DHRSX: variants seen among roughly 807,000 people sequenced by gnomAD.
DHRSX encodes the protein dehydrogenase/reductase X-linked.
In DHRSX, 31 loss-of-function variants were observed where a neutral mutation model predicts 34.0. The observed-to-expected ratio is 0.91, with a 90% CI of 0.69 to 1.23. The LOEUF (loss-of-function observed/expected upper bound fraction) is 1.23, where lower values mean the gene tolerates loss of function less well. Ranked by LOEUF, DHRSX falls within the 50% of genes most tolerant of loss-of-function variation. The pLI, the probability that DHRSX is intolerant of heterozygous loss-of-function variation, is 0.00. For missense variants in DHRSX, 414 were observed against 428.1 expected (o/e 0.97, Z 0.29); for synonymous variants, 201 against 183.8 (o/e 1.09, Z -0.76).
chrX:2,264,881 C>T lies in DHRSX; in HGVS notation c.596+1859G>A, dbSNP rs187661007. ...CCAGCAGATGCAGGGAGCACTATGC[C>T]GGGCACCAATGTGCAGCAAATGCGG... On this transcript the variant is annotated intron_variant, in intron 5 of 6. Coordinates refer to ENST00000334651, the MANE Select transcript of DHRSX (RefSeq NM_145177.3). Among the ~76,000 whole-genome samples the T allele has an allele frequency of 4.5e-3, 516 of 115,144 alleles. 4 individuals carry two copies. The highest frequency in any genetic ancestry group is 0.013 in the African/African-American group (490 of 37,962). The allele number at this position is 115,144 out of a possible 152,430, so 75.5% of individuals were successfully genotyped here.
chrX:2,258,041 A>C (rs1194440260), intron 5 of DHRSX, among the ~76,000 whole-genome samples: 1 of 152,186 alleles, frequency 6.6e-6, no homozygotes. Flanking sequence ...AGACACACAC[A>C]GAGGGACAAC....
chrX:2,479,798 TGCAGCAA>T (rs1203283243), intron 1 of DHRSX, among the ~76,000 whole-genome samples: 1 of 151,392 alleles, frequency 6.6e-6, no homozygotes, highest in Non-Finnish European at 1.5e-5. Flanking sequence ...TCCCTAAGCA[TGCAGCAA>T]AGGGACTGCC....
chrX:2,418,147 A>G (rs2043719419), intron 2 of DHRSX, among the ~76,000 whole-genome samples: 1 of 152,064 alleles, frequency 6.6e-6, no homozygotes, highest in African/African-American at 2.4e-5. Context: ...AGTCTAATCC[A>G]ACTAGATCTC....
intron 3 of DHRSX, among the ~76,000 whole-genome samples, chrX:2,353,790 G>C (rs1171142356): frequency 6.6e-6 from 1 of 151,870 alleles, no homozygotes; most frequent in Non-Finnish European, 1.5e-5. Context: ...TCTCCACGTT[G>C]GTCAGGCTGG....
intron 4 of DHRSX, among the ~76,000 whole-genome samples, chrX:2,276,462 C>G (rs2041651054): frequency 1.3e-5 from 2 of 152,098 alleles, no homozygotes; most frequent in Admixed American, 1.3e-4. Context: ...CATCGATCTG[C>G]CAATTCAAAG....
intron 3 of DHRSX, chrX:2,392,451 G>A (rs1471368369): frequency 1.3e-5 from 4 of 309,352 alleles, no homozygotes; most frequent in South Asian, 2.9e-5. Flanking sequence ...AGCCAGCCCG[G>A]GCAACACAGC....
chrX:2,494,027 T>C (rs2045224504), intron 1 of DHRSX, among the ~76,000 whole-genome samples: 2 of 152,110 alleles, frequency 1.3e-5, no homozygotes, highest in African/African-American at 4.8e-5. Flanking sequence ...CTATTGTTTT[T>C]AGGCTGGAAG....
chrX:2,299,685 T>A (rs937568233), intron 3 of DHRSX, among the ~76,000 whole-genome samples: 2 of 151,812 alleles, frequency 1.3e-5, no homozygotes, highest in African/African-American at 4.8e-5. Flanking sequence ...TGAAATCCGG[T>A]CTCTACTAAA....
rs776049098 is a variant in DHRSX at position 2,457,760 on chromosome X, A to T, written c.110-32456T>A. On this transcript the variant is annotated intron_variant, in intron 1 of 6. Coordinates refer to ENST00000334651, the MANE Select transcript of DHRSX (RefSeq NM_145177.3). ...AGGGACTGCCACCATGTACACACTGAAGACGTTCCCTAAGCATGTGGCCCA... is the reference window on the plus strand; with the variant it reads ...AGGGACTGCCACCATGTACACACTGTAGACGTTCCCTAAGCATGTGGCCCA... 9.9e-5 allele frequency among the ~76,000 whole-genome samples: 15 copies of T among 151,434 alleles called. No homozygotes were observed. In the South Asian group the frequency reaches 1.3e-3, roughly 13 times the overall value.
Position 2,435,296 on chromosome X carries a change from A to G in DHRSX, c.110-9992T>C, listed in dbSNP as rs192568481. ...AAACCCACACGGATACGAGTAAAACATAAGATCAATGCATTATTGCCTGAA... is the reference window on the plus strand; with the variant it reads ...AAACCCACACGGATACGAGTAAAACGTAAGATCAATGCATTATTGCCTGAA... On this transcript the variant is annotated intron_variant, in intron 1 of 6. Transcript: ENST00000334651. 3.5e-4 allele frequency among the ~76,000 whole-genome samples: 54 copies of G among 152,302 alleles called. No homozygotes were observed. In the East Asian group the frequency reaches 0.01, roughly 29 times the overall value.
intron 1 of DHRSX, among the ~76,000 whole-genome samples, chrX:2,431,586 T>C (rs1260682064): frequency 6.6e-6 from 1 of 152,124 alleles, no homozygotes; most frequent in Non-Finnish European, 1.5e-5. Flanking sequence ...TTAAAAAGAA[T>C]GAAATCATGT....
intron 3 of DHRSX, among the ~76,000 whole-genome samples, chrX:2,322,421 C>A (rs1221788036): frequency 1.3e-5 from 2 of 151,832 alleles, no homozygotes; most frequent in Non-Finnish European, 2.9e-5. Flanking sequence ...TGGTGGCGTG[C>A]ACCTTTAGTG....
chrX:2,266,824 G>A lies in DHRSX; in HGVS notation c.512C>T (p.Ser171Phe), dbSNP rs368132585. ...LLLDTLKESG[S>F]PGHSARVVTV... ...GACCACCCTCGCACTGTGGCCAGGG[G>A]ACCCAGACTCTTTCAGCGTATCCAA... The change falls in exon 5 of 7, where the codon TCC becomes TTC. Residue 171 changes from serine (S) to phenylalanine (F), a missense_variant. Ser to Phe is a radical substitution (Grantham distance 155). Transcript: ENST00000334651. 279 of 1,613,834 alleles carry A rather than the reference G, an allele frequency of 1.7e-4. No individual in the cohort carries two copies. Among genetic ancestry groups the A allele is most frequent in the Non-Finnish European group, 2.2e-4 (265 of 1,179,866 alleles).
chrX:2,466,989 C>T (rs1009700712), intron 1 of DHRSX, among the ~76,000 whole-genome samples: 5 of 147,658 alleles, frequency 3.4e-5, no homozygotes, highest in Admixed American at 1.4e-4. Context: ...CCCTTGAATG[C>T]GGGAGACAGA....
Position 2,243,156 on chromosome X carries a change from C to A in DHRSX, c.671G>T (p.Arg224Leu), listed in dbSNP as rs766420994. ...ALVLFTYHLQ[R>L]LLAAEGSHVT... ...GTGGCTTCCCTCAGCCGCCAGCAGCCGCTGGAGGTGGTAGGTGAACAGGAC... is the reference window on the plus strand; with the variant it reads ...GTGGCTTCCCTCAGCCGCCAGCAGCAGCTGGAGGTGGTAGGTGAACAGGAC... Residue 224 changes from arginine to leucine, a missense_variant, in exon 6 of 7, where the codon CGG becomes CTG. Physicochemically the swap from Arg to Leu is moderately radical, Grantham distance 102. Transcript: ENST00000334651. 3 of 1,613,794 alleles carry A rather than the reference C, an allele frequency of 1.9e-6. No individual in the cohort carries two copies. Among genetic ancestry groups the A allele is most frequent in the Non-Finnish European group, 2.5e-6 (3 of 1,179,872 alleles).
At chrX:2,247,365 A>G (rs1334338867) in intron 5 of DHRSX, among the ~76,000 whole-genome samples, 4 of 151,928 alleles carry the variant, frequency 2.6e-5, no homozygotes, top group Non-Finnish European at 5.9e-5. Context: ...CTATAAAAAA[A>G]AAATTAGGGC....
chrX:2,347,751 T>C (rs2042738761), intron 3 of DHRSX, among the ~76,000 whole-genome samples: 1 of 152,152 alleles, frequency 6.6e-6, no homozygotes, highest in African/African-American at 2.4e-5. Flanking sequence ...TAATGAGCTG[T>C]ACATTTTCCC....
At chrX:2,341,981 T>G (rs1020167983) in intron 3 of DHRSX, among the ~76,000 whole-genome samples, 2 of 152,066 alleles carry the variant, frequency 1.3e-5, no homozygotes, top group African/African-American at 4.8e-5. Flanking sequence ...ATTTTTTGTA[T>G]TTTTAGTAGA....
intron 3 of DHRSX, among the ~76,000 whole-genome samples, chrX:2,399,725 CAAA>C (rs779558142): frequency 2.8e-5 from 1 of 35,230 alleles, no homozygotes; most frequent in Non-Finnish European, 4.8e-5. Flanking sequence ...AAACAAAAAG[CAAA>C]AAAAAAAAAA....
Sources: allele counts gnomAD v4.1 joint callset (sites outside exome capture counted in the v4.1 genomes callset), GRCh38; gene constraint gnomAD v4.1.1; transcripts MANE v1.5; gene names NCBI Gene and HGNC (gene_info 2026-07-23, HGNC 2026-07-21).